The following NBPF12 variants were observed in gnomAD, a reference collection of about 807,000 sequenced individuals.
NBPF12 encodes NBPF member 12.
Under a neutral mutation model 146.4 loss-of-function variants are expected in NBPF12, and 115 were observed. The observed-to-expected ratio is 0.79, with a 90% CI of 0.68 to 0.92. NBPF12 has a LOEUF of 0.92. NBPF12 is among the 40% of genes least tolerant of loss of function. NBPF12 has a pLI of 0.00. For missense variants in NBPF12, 1,205 were observed against 1,326.8 expected (o/e 0.91, Z 1.43); for synonymous variants, 385 against 508.9 (o/e 0.76, Z 3.28).
At chr1:146,963,266 G>A (rs1448885704) in exon 6 of NBPF12, 68 of 1,611,862 alleles carry the variant, frequency 4.2e-5, no homozygotes, top group Non-Finnish European at 5.2e-5. Context: ...AGCTGGCTGA[G>A]GGGTGTAGAC....
intron 13 of NBPF12, among the ~76,000 whole-genome samples, chr1:146,972,336 G>A (rs1454419168): frequency 6.6e-6 from 1 of 151,292 alleles, no homozygotes; most frequent in Non-Finnish European, 1.5e-5. Context: ...AGAGGTGGCA[G>A]TGAGCTGAGA....
intron 5 of NBPF12, among the ~76,000 whole-genome samples, chr1:146,962,595 G>C (rs1341410625): frequency 2.0e-5 from 3 of 151,620 alleles, no homozygotes; most frequent in Admixed American, 1.3e-4. Context: ...CTTACCCTTA[G>C]TGAGAATCAC....
upstream of NBPF12, among the ~76,000 whole-genome samples, chr1:146,945,018 CCCTCCCTT>C (rs1209493956): frequency 1.6e-4 from 12 of 77,252 alleles, no homozygotes; most frequent in Non-Finnish European, 3.1e-4. Flanking sequence ...CTTCCTCCCT[CCCTCCCTT>C]CCTTCCTCCC....
In NBPF12 at chr1:146,972,977, C is replaced by A; in HGVS notation, c.1801+17C>A. The A allele has an allele frequency of 1.1e-6, 1 of 916,548 alleles. No individual in the cohort carries two copies. 56.8% of individuals were successfully genotyped at this position (916,548 alleles called of 1,614,324 possible). ...ACAAATACAGTAAGATCTATATGCT[C>A]ACCATCATGAAAGTGATGAACGAAG... On this transcript the variant is annotated intron_variant, in intron 14 of 33. Coordinates refer to ENST00000617844, the Ensembl canonical transcript of NBPF12.
chr1:146,969,177 T>G (rs1265285521), intron 10 of NBPF12, among the ~76,000 whole-genome samples: 1 of 151,316 alleles, frequency 6.6e-6, no homozygotes, highest in African/African-American at 2.4e-5. Flanking sequence ...TCATCGAGGA[T>G]CTTGCAGGAG....
exon 34 of NBPF12, chr1:146,995,763 G>A (rs1197041823): frequency 2.0e-5 from 3 of 150,290 alleles, no homozygotes; most frequent in Non-Finnish European, 4.4e-5. Flanking sequence ...ATCAGGACTG[G>A]TTACTTGGTT....
At chr1:146,955,930 A>G (rs1655565469) in intron 2 of NBPF12, among the ~76,000 whole-genome samples, 1 of 151,192 alleles carries the variant, frequency 6.6e-6, no homozygotes, top group East Asian at 1.9e-4. Flanking sequence ...AACCTAGGCA[A>G]AACTCTTGGT....
exon 5 of NBPF12, chr1:146,962,191 T>G (rs1307705390): frequency 3.7e-6 from 6 of 1,608,716 alleles, no homozygotes; most frequent in Admixed American, 3.3e-5. Flanking sequence ...CTCATAAAAT[T>G]TATGCTGAGG....
chr1:146,977,080 T>C (rs1223495288), intron 17 of NBPF12, 79 bp downstream of exon 20: 2 of 627,536 alleles, frequency 3.2e-6, no homozygotes, highest in Non-Finnish European at 5.6e-6. Flanking sequence ...CTCTGGCATG[T>C]ATGATGGGCC....
chr1:146,944,382 G>C (rs1356088807), upstream of NBPF12, among the ~76,000 whole-genome samples: 1 of 145,350 alleles, frequency 6.9e-6, no homozygotes, highest in African/African-American at 2.5e-5. Context: ...CCATCCACCA[G>C]GTCCTGGGGG....
chr1:146,995,636 A>T (rs1216577100), exon 34 of NBPF12: 1 of 150,428 alleles, frequency 6.6e-6, no homozygotes, highest in South Asian at 2.1e-4. Flanking sequence ...AAATGTCTTC[A>T]TGATTAAATT....
At position 146,966,681 on chromosome 1, in the gene NBPF12, C is replaced by T; in HGVS notation, c.988+8C>T. 1.6e-6 allele frequency: 2 copies of T among 1,286,752 alleles called. No individual in the cohort carries two copies. Among genetic ancestry groups the T allele is most frequent in the Non-Finnish European group, 2.3e-6 (2 of 883,840 alleles). 79.7% of individuals were successfully genotyped at this position (1,286,752 alleles called of 1,614,324 possible). On this transcript the variant is annotated splice_region_variant and intron_variant, in intron 9 of 33. Coordinates refer to ENST00000617844, the Ensembl canonical transcript of NBPF12. ...AGCAGCAGAACAAATACAGTAAGAT[C>T]TACAGGCTCACCATCACGAAAGTGA...
chr1:146,994,551 G>C (rs1269128017), exon 34 of NBPF12: 1 of 1,609,610 alleles, frequency 6.2e-7, no homozygotes, highest in African/African-American at 1.4e-5. Flanking sequence ...TGGTCTTCCA[G>C]ATGGGAGTCA....
At chr1:146,949,922 GC>G (rs1316233785) in intron 1 of NBPF12, among the ~76,000 whole-genome samples, 35 of 151,760 alleles carry the variant, frequency 2.3e-4, no homozygotes, top group Non-Finnish European at 4.6e-4. Context: ...TCTCCAACCA[GC>G]CACACAAAGC....
At chr1:146,958,020 A>G (rs1234642621) in intron 2 of NBPF12, among the ~76,000 whole-genome samples, 1 of 117,364 alleles carries the variant, frequency 8.5e-6, no homozygotes, top group Non-Finnish European at 1.8e-5. Context: ...TATATAAATA[A>G]TACATATACA....
At chr1:146,964,540 A>C in intron 7 of NBPF12, 111 bp downstream of exon 10, 1 of 1,552,578 alleles carries the variant, frequency 6.4e-7, no homozygotes, top group East Asian at 2.2e-5. Context: ...TCCCTTGGCC[A>C]CAGTATGTGA....
rs1553886783 is a variant in NBPF12, at chr1:146,972,815, C to T, written c.1656C>T (p.Ser552=). 19 of 1,371,118 alleles carry T rather than the reference C, an allele frequency of 1.4e-5. No individual in the cohort carries two copies. The Middle Eastern group carries it at 9.9e-4, about 71-fold the overall frequency. 84.9% of individuals were successfully genotyped at this position (1,371,118 alleles called of 1,614,324 possible). The change falls in exon 14 of 34, where the codon AGC becomes AGT. Residue 552 remains serine, a synonymous_variant. Coordinates refer to ENST00000617844, the Ensembl canonical transcript of NBPF12. ...TGGTATCAGCCGGCCCTTTGTCCAGCGAGAAGGCAGAGATGAACATTCTAG... is the reference window on the plus strand; with the variant it reads ...TGGTATCAGCCGGCCCTTTGTCCAGTGAGAAGGCAGAGATGAACATTCTAG...
intron 29 of NBPF12, 51 bp downstream of exon 32, chr1:146,990,568 G>GCCA (rs1658076392): frequency 1.7e-6 from 1 of 576,718 alleles, no homozygotes; most frequent in Non-Finnish European, 2.9e-6. Flanking sequence ...ACCTGGAGAT[G>GCCA]CCAGGTCCAG....
At chr1:146,994,297 C>G (rs782138187) in intron 33 of NBPF12, 35 bp from the exon 37 acceptor site, 120 of 1,611,144 alleles carry the variant, frequency 7.4e-5, no homozygotes, top group Non-Finnish European at 1.0e-4. Flanking sequence ...TCTGACTTTC[C>G]CTGGCTGCTT....
Sources: gnomAD v4.1 joint callset for allele counts (sites outside exome capture counted in the v4.1 genomes callset) on GRCh38, gnomAD v4.1.1 for gene constraint, MANE v1.5 for transcripts, NCBI Gene and HGNC (gene_info 2026-07-23, HGNC 2026-07-21) for gene names.